The following RSPO2 variants were observed in gnomAD, a reference collection of about 807,000 sequenced individuals.
The protein encoded by RSPO2 is R-spondin 2, also known as R-spondin-2.
In RSPO2, 14 loss-of-function variants were observed where a neutral mutation model predicts 30.9. The observed-to-expected ratio is 0.45, with a 90% CI of 0.30 to 0.71. The LOEUF (loss-of-function observed/expected upper bound fraction) is 0.71, where lower values mean the gene tolerates loss of function less well. RSPO2 is among the 30% of genes least tolerant of loss of function. RSPO2 has a pLI of 0.08. For missense variants in RSPO2, 264 were observed against 301.9 expected (o/e 0.87, Z 0.93); for synonymous variants, 107 against 96.4 (o/e 1.11, Z -0.64).
intron 2 of RSPO2, among the ~76,000 whole-genome samples, chr8:108,031,858 A>AC (rs1811433376): frequency 6.6e-6 from 1 of 151,862 alleles, no homozygotes; most frequent in Non-Finnish European, 1.5e-5. Context: ...AAGAGGAAAA[A>AC]AAAAAGAAAA....
chr8:107,995,857 T>C (rs1045933966), intron 2 of RSPO2, among the ~76,000 whole-genome samples: 1 of 152,166 alleles, frequency 6.6e-6, no homozygotes, highest in Admixed American at 6.6e-5. Flanking sequence ...TCACTCTACA[T>C]TCTATTGCTC....
intron 3 of RSPO2, among the ~76,000 whole-genome samples, chr8:107,966,757 T>C (rs552704791): frequency 1.3e-5 from 2 of 152,314 alleles, no homozygotes; most frequent in East Asian, 1.9e-4. Flanking sequence ...TATCTCAGCA[T>C]GGTCAATCAG....
chr8:107,927,228 A>T (rs1812408180), intron 5 of RSPO2, among the ~76,000 whole-genome samples: 1 of 152,114 alleles, frequency 6.6e-6, no homozygotes, highest in African/African-American at 2.4e-5. Context: ...AATGCTTGTG[A>T]TTTTTGTACA....
At chr8:108,067,275 C>T (rs1812701094) in intron 2 of RSPO2, among the ~76,000 whole-genome samples, 1 of 152,048 alleles carries the variant, frequency 6.6e-6, no homozygotes, top group Admixed American at 6.6e-5. Flanking sequence ...TGGGGAAATC[C>T]ATTACATACC....
intron 2 of RSPO2, among the ~76,000 whole-genome samples, chr8:108,030,155 G>A: frequency 7.0e-6 from 1 of 141,852 alleles, no homozygotes; most frequent in African/African-American, 2.6e-5. Flanking sequence ...CTAGGCATAT[G>A]ATGTTAGCCA....
At chr8:108,012,223 A>G (rs1810730400) in intron 2 of RSPO2, among the ~76,000 whole-genome samples, 2 of 152,188 alleles carry the variant, frequency 1.3e-5, no homozygotes, top group Admixed American at 6.5e-5. Context: ...TTGGCAAGCA[A>G]TGCTTTAAAG....
At chr8:108,007,409 A>C (rs1309286787) in intron 2 of RSPO2, among the ~76,000 whole-genome samples, 1 of 152,226 alleles carries the variant, frequency 6.6e-6, no homozygotes, top group East Asian at 1.9e-4. Flanking sequence ...TTATGTATTA[A>C]TCACAAATGA....
rs3039298 is a variant in RSPO2 at position 107,958,036 on chromosome 8, T to TCA, written c.616+42_616+43dup. ...GAAGGTGGTTAGGAAGCGGGAGAAT[T>TCA]CAGGAAGCACACAGCACACAGTAGT... On this transcript the variant is annotated intron_variant, in intron 5 of 5. Coordinates refer to ENST00000276659, the MANE Select transcript of RSPO2 (RefSeq NM_178565.5). The TCA allele has an allele frequency of 0.6, 788,881 of 1,320,568 alleles. 244,810 individuals carry two copies. Among genetic ancestry groups the TCA allele is most frequent in the East Asian group, 0.67 (26,571 of 39,544 alleles). The allele number at this position is 1,320,568 out of a possible 1,614,324, so 81.8% of individuals were successfully genotyped here.
chr8:108,058,062 A>C (rs1469225290), intron 2 of RSPO2, among the ~76,000 whole-genome samples: 2 of 152,246 alleles, frequency 1.3e-5, no homozygotes, highest in Non-Finnish European at 2.9e-5. Context: ...CCAGTTTTCA[A>C]AGGGAATGCT....
chr8:107,923,010 C>G (rs912784540), intron 5 of RSPO2, among the ~76,000 whole-genome samples: 6 of 152,058 alleles, frequency 3.9e-5, no homozygotes, highest in Non-Finnish European at 7.3e-5. Context: ...CCATTCTGGA[C>G]ATAGGAACAG....
intron 2 of RSPO2, among the ~76,000 whole-genome samples, chr8:108,048,664 C>G (rs891154479): frequency 3.9e-5 from 6 of 152,040 alleles, no homozygotes; most frequent in Non-Finnish European, 2.9e-5. Flanking sequence ...GTGTCTCTAT[C>G]TCCTTCAGTT....
In RSPO2 at chr8:107,952,754, G is replaced by A. The variant is rs367912582; in HGVS notation, c.616+5326C>T. Among the ~76,000 whole-genome samples the A allele has an allele frequency of 5.9e-5, 9 of 152,048 alleles. No homozygotes were observed. In the South Asian group the frequency reaches 1.0e-3, roughly 18 times the overall value. ...CATCTTTAGTCATATTACCTAATAC[G>A]TAGTCCACATGTTGCTGTCAGTTTA... On this transcript the variant is annotated intron_variant, in intron 5 of 5. Transcript: ENST00000276659.
intron 5 of RSPO2, among the ~76,000 whole-genome samples, chr8:107,937,228 A>G (rs1011863824): frequency 6.7e-6 from 1 of 149,138 alleles, no homozygotes; most frequent in African/African-American, 2.5e-5. Context: ...CAATTTTCCC[A>G]GCACCATTTA....
chr8:108,066,995 A>T (rs200107479), intron 2 of RSPO2, among the ~76,000 whole-genome samples: 2 of 152,206 alleles, frequency 1.3e-5, no homozygotes, highest in East Asian at 3.9e-4. Flanking sequence ...TCCAACCTTC[A>T]AGGAGAACTT....
chr8:107,957,988 GATAA>G, intron 5 of RSPO2, 88 bp downstream of exon 5: 3 of 885,574 alleles, frequency 3.4e-6, no homozygotes, highest in Non-Finnish European at 5.2e-6. Context: ...TTCCTTCAAA[GATAA>G]ATACTTATTT....
intron 5 of RSPO2, among the ~76,000 whole-genome samples, chr8:107,912,270 G>T (rs1209010609): frequency 6.6e-6 from 1 of 152,168 alleles, no homozygotes; most frequent in Admixed American, 6.6e-5. Context: ...TGAAAGCCAA[G>T]AATATTTTGT....
chr8:107,908,179 C>T (rs922830194), intron 5 of RSPO2, among the ~76,000 whole-genome samples: 15 of 152,184 alleles, frequency 9.9e-5, no homozygotes, highest in Non-Finnish European at 1.5e-4. Flanking sequence ...ATCTGTTCTT[C>T]GAGTGTATGA....
intron 2 of RSPO2, among the ~76,000 whole-genome samples, chr8:108,073,469 C>G (rs747346470): frequency 2.0e-4 from 30 of 152,186 alleles, no homozygotes; most frequent in Non-Finnish European, 4.4e-5. Flanking sequence ...AAAGATCTAG[C>G]AGGAGCCCAC....
chr8:108,066,906 C>T (rs1367006410), intron 2 of RSPO2, among the ~76,000 whole-genome samples: 2 of 152,084 alleles, frequency 1.3e-5, no homozygotes, highest in Non-Finnish European at 2.9e-5. Context: ...ACATTGTGTG[C>T]CTCCTGGTGT....
Sources: gnomAD v4.1 joint callset for allele counts (sites outside exome capture counted in the v4.1 genomes callset) on GRCh38, gnomAD v4.1.1 for gene constraint, MANE v1.5 for transcripts, NCBI Gene and HGNC (gene_info 2026-07-23, HGNC 2026-07-21) for gene names.